The following AP3B1 variants were observed in gnomAD, a reference collection of about 807,000 sequenced individuals.
AP3B1 encodes the protein AP-3 complex subunit beta-1.
AP3B1 carries 61 observed loss-of-function variants against 132.5 expected under a neutral mutation model. That is an observed-to-expected ratio of 0.46 (90% CI 0.37 to 0.57). AP3B1 has a LOEUF of 0.57. Ranked by LOEUF, AP3B1 falls within the 20% of genes least tolerant of loss-of-function variation. AP3B1 has a pLI of 0.00. For missense variants in AP3B1, 1,120 were observed against 1,289.4 expected, an observed-to-expected ratio of 0.87 and a Z score of 2.01; for synonymous variants, 388 against 438.3, an observed-to-expected ratio of 0.89 and a Z score of 1.43.
chr5:78,218,848 A>AAC (rs1402341938), intron 6 of AP3B1, among the ~76,000 whole-genome samples: 1 of 152,068 alleles, frequency 6.6e-6, no homozygotes, highest in East Asian at 1.9e-4. Context: ...ATGGCCATCC[A>AAC]ACCTTCCCTA....
At chr5:78,208,206 T>C (rs1218111056) in intron 7 of AP3B1, among the ~76,000 whole-genome samples, 2 of 152,084 alleles carry the variant, frequency 1.3e-5, no homozygotes, top group Non-Finnish European at 1.5e-5. Flanking sequence ...TAGTAAGCAA[T>C]CAGATTAGAA....
rs966840193 is a variant in AP3B1, at chr5:78,051,221, T to C, written c.2578-11947A>G. 2.0e-5 allele frequency among the ~76,000 whole-genome samples: 3 copies of C among 152,270 alleles called. No individual in the cohort carries two copies. The East Asian group carries it at 5.8e-4, about 29-fold the overall frequency. On this transcript the variant is annotated intron_variant, in intron 22 of 26. Transcript: ENST00000255194. ...ACATTTATAAGAGCTGTTATCTCCC[T>C]AATAACAGACAGACAGCGTGCAATT...
chr5:78,072,884 G>C (rs1749602816), intron 22 of AP3B1, among the ~76,000 whole-genome samples: 1 of 151,698 alleles, frequency 6.6e-6, no homozygotes. Flanking sequence ...ACCATGCCCG[G>C]CAAATTTTTG....
chr5:78,249,689 G>A (rs1747549281), intron 2 of AP3B1, among the ~76,000 whole-genome samples: 1 of 151,160 alleles, frequency 6.6e-6, no homozygotes, highest in African/African-American at 2.4e-5. Flanking sequence ...GCTCGAGTGG[G>A]CTTTCTGCCT....
At position 78,029,934 on chromosome 5, in the gene AP3B1, C is replaced by A. The variant is rs533262264; in HGVS notation, c.2894+4427G>T. 3.9e-5 allele frequency among the ~76,000 whole-genome samples: 6 copies of A among 152,122 alleles called. No individual in the cohort carries two copies. In the South Asian group the frequency reaches 1.2e-3, roughly 32 times the overall value. ...ATTTAAACTAATTTTTGCCATCGAT[C>A]AATTCTCTTCTCAGACATAACAAGA... On this transcript the variant is annotated intron_variant, in intron 24 of 26. Transcript: ENST00000255194.
At chr5:78,276,804 G>A (rs1438766426) in intron 1 of AP3B1, among the ~76,000 whole-genome samples, 3 of 151,990 alleles carry the variant, frequency 2.0e-5, no homozygotes, top group South Asian at 4.1e-4. Context: ...GGGAAGCTGA[G>A]GCGGCAGTGA....
chr5:78,100,517 C>T (rs1266013803), intron 21 of AP3B1, among the ~76,000 whole-genome samples: 3 of 152,002 alleles, frequency 2.0e-5, no homozygotes, highest in East Asian at 3.9e-4. Flanking sequence ...GCTTTGTAAC[C>T]CATTTCCATT....
chr5:78,048,167 T>C (rs1345723621), intron 22 of AP3B1, among the ~76,000 whole-genome samples: 1 of 152,250 alleles, frequency 6.6e-6, no homozygotes, highest in Non-Finnish European at 1.5e-5. Flanking sequence ...AAAATCCATG[T>C]TATGACTTTA....
intron 11 of AP3B1, among the ~76,000 whole-genome samples, chr5:78,175,365 A>G (rs1744105107): frequency 6.6e-6 from 1 of 152,172 alleles, no homozygotes; most frequent in South Asian, 2.1e-4. Context: ...AAATCTCCAA[A>G]GTTATTTATT....
chr5:78,231,330 C>T (rs138690426), intron 3 of AP3B1, among the ~76,000 whole-genome samples: 2,600 of 152,004 alleles, frequency 0.017, 81 homozygotes, highest in African/African-American at 0.059. Flanking sequence ...CGCACCACCA[C>T]GCCCAGCTAA....
At chr5:78,268,449 TCACACATA>T (rs1748419678) in intron 1 of AP3B1, among the ~76,000 whole-genome samples, 1 of 152,132 alleles carries the variant, frequency 6.6e-6, no homozygotes, top group Non-Finnish European at 1.5e-5. Flanking sequence ...GGAAATGTGG[TCACACATA>T]CACACATGCC....
rs542867974 is a variant in AP3B1 at position 78,263,536 on chromosome 5, C to T, written c.204+3984G>A. ...GGCTAAAATTTCCAATACTGTGTTGCACAGAAGTGGTAAAAGCAAGCATCC... is the reference window on the plus strand; with the variant it reads ...GGCTAAAATTTCCAATACTGTGTTGTACAGAAGTGGTAAAAGCAAGCATCC... On this transcript the variant is annotated intron_variant, in intron 2 of 26. Transcript: ENST00000255194. Among the ~76,000 whole-genome samples, 13 of 152,196 alleles carry T rather than the reference C, an allele frequency of 8.5e-5. No individual in the cohort carries two copies. The East Asian group carries it at 2.3e-3, about 27-fold the overall frequency.
At chr5:78,115,901 A>G (rs1751804180) in intron 18 of AP3B1, 1 of 530,078 alleles carries the variant, frequency 1.9e-6, no homozygotes, top group East Asian at 3.8e-5. Flanking sequence ...AGCTATACCA[A>G]TGTATCAGCT....
intron 26 of AP3B1, chr5:78,003,455 GT>G: frequency 2.5e-6 from 2 of 790,526 alleles, no homozygotes; most frequent in Non-Finnish European, 3.1e-6. Flanking sequence ...TTAAGAAAAG[GT>G]ACCTTTCTCA....
At chr5:78,099,252 G>T (rs534900109) in intron 21 of AP3B1, among the ~76,000 whole-genome samples, 2 of 152,148 alleles carry the variant, frequency 1.3e-5, no homozygotes, top group Non-Finnish European at 2.9e-5. Context: ...CCAGTCTAAC[G>T]TATTCTGTTA....
Position 78,034,374 on chromosome 5 carries a change from T to C in AP3B1, c.2881A>G (p.Ser961Gly). The change falls in exon 24 of 27, where the codon AGT becomes GGT. Residue 961 changes from serine to glycine, a missense_variant. Ser to Gly is a moderately conservative substitution (Grantham distance 56). This residue lies in a region of AP3B1 where 906 missense variants were observed against 997.1 expected (regional missense o/e 0.91). Coordinates refer to ENST00000255194, the MANE Select transcript of AP3B1 (RefSeq NM_003664.5). ...AATTGAACTTACCACAACTGGAAAC[T>C]GGCAGTCTGAGTAGAATCACAAAAG... Reference protein sequence around the residue: ...IDFCDSTQTASFQLCTKDDCF... With the variant: ...IDFCDSTQTAGFQLCTKDDCF... The C allele has an allele frequency of 6.2e-7, 1 of 1,611,352 alleles. No homozygotes were observed. Among genetic ancestry groups the C allele is most frequent in the Non-Finnish European group, 8.5e-7 (1 of 1,177,732 alleles).
chr5:78,006,497 C>T (rs1746402426), intron 26 of AP3B1, among the ~76,000 whole-genome samples: 1 of 152,166 alleles, frequency 6.6e-6, no homozygotes, highest in South Asian at 2.1e-4. Context: ...ATATATTTTA[C>T]ATTTCTGCCT....
intron 15 of AP3B1, among the ~76,000 whole-genome samples, chr5:78,133,116 A>C (rs1422420253): frequency 2.0e-5 from 3 of 152,144 alleles, no homozygotes; most frequent in African/African-American, 7.2e-5. Flanking sequence ...CTGGAGCTTC[A>C]TGCATCTCAT....
At chr5:78,031,713 C>A (rs968831931) in intron 24 of AP3B1, among the ~76,000 whole-genome samples, 1 of 152,156 alleles carries the variant, frequency 6.6e-6, no homozygotes, top group Non-Finnish European at 1.5e-5. Context: ...TTTTCCCCCA[C>A]GAGTGTTTTA....
Sources: allele counts gnomAD v4.1 joint callset (sites outside exome capture counted in the v4.1 genomes callset), GRCh38; gene constraint gnomAD v4.1.1; regional missense constraint gnomAD v4.1.1; transcripts MANE v1.5; gene names NCBI Gene and HGNC (gene_info 2026-07-23, HGNC 2026-07-21).